The following CDK5RAP2 variants were observed in gnomAD, a reference collection of about 807,000 sequenced individuals.
The protein encoded by CDK5RAP2 is CDK5 regulatory subunit-associated protein 2.
A neutral mutation model predicts 232.9 loss-of-function variants in CDK5RAP2; 147 were observed. The observed-to-expected ratio is 0.63, with a 90% confidence interval of 0.55 to 0.72. The LOEUF (loss-of-function observed/expected upper bound fraction) is 0.72, where lower values mean the gene tolerates loss of function less well. Among genes scored for constraint, CDK5RAP2 ranks in the 30% least tolerant of loss-of-function variants. CDK5RAP2 has a pLI of 0.00. For missense variants in CDK5RAP2, 2,195 were observed against 2,231.5 expected, an observed-to-expected ratio of 0.98 and a Z score of 0.33; for synonymous variants, 833 against 833.7, an observed-to-expected ratio of 1.00 and a Z score of 0.01.
intron 7 of CDK5RAP2, chr9:120,532,680 G>C (rs1159701826): frequency 6.6e-6 from 1 of 152,428 alleles, no homozygotes; most frequent in South Asian, 2.1e-4. Context: ...AAAATCCAGA[G>C]CTGGCATCTG....
chr9:120,472,200 AT>A (rs1207592315), intron 15 of CDK5RAP2, among the ~76,000 whole-genome samples: 1 of 152,226 alleles, frequency 6.6e-6, no homozygotes, highest in East Asian at 1.9e-4. Context: ...TATTTTAGAA[AT>A]TATTTGCAAA....
intron 14 of CDK5RAP2, among the ~76,000 whole-genome samples, chr9:120,484,030 G>A (rs999999802): frequency 2.6e-5 from 4 of 152,086 alleles, no homozygotes; most frequent in Admixed American, 6.5e-5. Context: ...ATGAATCTCC[G>A]GCTGTAGTTA....
In CDK5RAP2 at chr9:120,524,367, G is replaced by A. The variant is rs149436018; in HGVS notation, c.1092+619C>T. Among the ~76,000 whole-genome samples the A allele has an allele frequency of 1.4e-3, 208 of 152,274 alleles. 1 individual carries two copies. The highest frequency in any genetic ancestry group is 4.5e-3 in the African/African-American group (187 of 41,558). ...CAAAACCTCACAAATACGGCCGGGC[G>A]CAGTGGTTAACTCCTGTAATTCCAG... On this transcript the variant is annotated intron_variant, in intron 11 of 37. Transcript: ENST00000349780.
Position 120,471,767 on chromosome 9 carries a change from G to A in CDK5RAP2, c.1839C>T (p.Ser613=), listed in dbSNP as rs372200995. The A allele has an allele frequency of 2.1e-5, 34 of 1,614,076 alleles. No individual in the cohort carries two copies. The African/African-American group carries it at 2.3e-4, about 11-fold the overall frequency. Residue 613 remains serine, a synonymous_variant, in exon 16 of 38, where the codon AGC becomes AGT. Coordinates refer to ENST00000349780, the MANE Select transcript of CDK5RAP2 (RefSeq NM_018249.6). ...GTGTACCTTCCCGCCTCCGAATTTCGCTGATCTGCTCCTCCAAGGTCTTCC... is the reference window on the plus strand; with the variant it reads ...GTGTACCTTCCCGCCTCCGAATTTCACTGATCTGCTCCTCCAAGGTCTTCC... ...NLRKTLEEQI[S]EIRRREEESF...
At chr9:120,447,859 C>T in intron 22 of CDK5RAP2, 36 bp downstream of exon 22, 1 of 1,464,026 alleles carries the variant, frequency 6.8e-7, no homozygotes. Context: ...AGCCGTTTGT[C>T]TAGCTCACAG....
At chr9:120,483,441 G>A (rs1002740501) in intron 14 of CDK5RAP2, among the ~76,000 whole-genome samples, 30 of 152,222 alleles carry the variant, frequency 2.0e-4, no homozygotes, top group Non-Finnish European at 3.5e-4. Context: ...ACTCAGATGA[G>A]GTCCATGGTG....
rs2039645975 is a variant in CDK5RAP2, at chr9:120,503,050, A to G, written c.1312-11573T>C. Among the ~76,000 whole-genome samples the G allele has an allele frequency of 1.3e-5, 2 of 152,192 alleles. 1 individual carries two copies. Among genetic ancestry groups the G allele is most frequent in the Admixed American group, 1.3e-4 (2 of 15,278 alleles). ...CACAAAGCTTTACAAAAGCTCTAGTAAGTTCTAGTGCTGAAATCCAAACCC... is the reference window on the plus strand; with the variant it reads ...CACAAAGCTTTACAAAAGCTCTAGTGAGTTCTAGTGCTGAAATCCAAACCC... On this transcript the variant is annotated intron_variant, in intron 12 of 37. Coordinates refer to ENST00000349780, the MANE Select transcript of CDK5RAP2 (RefSeq NM_018249.6).
chr9:120,491,995 T>C (rs557768692), intron 12 of CDK5RAP2, among the ~76,000 whole-genome samples: 1 of 152,260 alleles, frequency 6.6e-6, no homozygotes, highest in East Asian at 1.9e-4. Flanking sequence ...AATAATCCTG[T>C]ATTATCTTCA....
chr9:120,519,062 C>T (rs2040498153), intron 11 of CDK5RAP2, among the ~76,000 whole-genome samples: 1 of 151,814 alleles, frequency 6.6e-6, no homozygotes, highest in African/African-American at 2.4e-5. Context: ...GTAGTCCCAG[C>T]TACTCGGGAA....
chr9:120,402,206 T>C (rs2033086643), intron 34 of CDK5RAP2, among the ~76,000 whole-genome samples: 1 of 151,694 alleles, frequency 6.6e-6, no homozygotes, highest in African/African-American at 2.4e-5. Flanking sequence ...GGCAGGAGGA[T>C]TGCTTGAGCC....
chr9:120,446,091 G>C (rs1445619604), intron 22 of CDK5RAP2, among the ~76,000 whole-genome samples: 1 of 152,160 alleles, frequency 6.6e-6, no homozygotes, highest in Non-Finnish European at 1.5e-5. Context: ...TTTAGGCTTT[G>C]CAGGCCATAG....
At chr9:120,486,565 T>A (rs1269405096) in intron 14 of CDK5RAP2, among the ~76,000 whole-genome samples, 1 of 152,132 alleles carries the variant, frequency 6.6e-6, no homozygotes, top group Non-Finnish European at 1.5e-5. Context: ...GCCAGTTCCC[T>A]ACCCCAGAAG....
chr9:120,458,727 C>T (rs1239524251), intron 19 of CDK5RAP2, 105 bp from the exon 20 acceptor site: 1 of 1,003,412 alleles, frequency 1.0e-6, no homozygotes, highest in Non-Finnish European at 1.6e-6. Flanking sequence ...GAAAATAAGC[C>T]AGACACACTG....
chr9:120,452,227 A>ATATAAT (rs1193613844), intron 21 of CDK5RAP2, among the ~76,000 whole-genome samples: 1 of 147,382 alleles, frequency 6.8e-6, no homozygotes, highest in Non-Finnish European at 1.5e-5. Context: ...AGTACCGTTA[A>ATATAAT]TATAATGGCA....
At chr9:120,561,733 A>T (rs1412820445) in intron 3 of CDK5RAP2, among the ~76,000 whole-genome samples, 3 of 152,210 alleles carry the variant, frequency 2.0e-5, no homozygotes, top group African/African-American at 7.2e-5. Context: ...ACATAAGTGA[A>T]TTTGCATATT....
chr9:120,577,199 C>A (rs2043066035), intron 1 of CDK5RAP2, among the ~76,000 whole-genome samples: 1 of 151,786 alleles, frequency 6.6e-6, no homozygotes, highest in Admixed American at 6.6e-5. Context: ...CCGTCTCTAC[C>A]AAAAATACAA....
intron 1 of CDK5RAP2, 117 bp from the exon 2 acceptor site, chr9:120,572,158 G>T: frequency 1.2e-6 from 1 of 820,808 alleles, no homozygotes; most frequent in Non-Finnish European, 2.1e-6. Context: ...CACACAGCTG[G>T]GCTACCTATG....
Position 120,467,861 on chromosome 9 carries a change from T to A in CDK5RAP2, c.2105A>T (p.Glu702Val), listed in dbSNP as rs752969694. 1 of 1,614,108 alleles carries A rather than the reference T, an allele frequency of 6.2e-7. No individual in the cohort carries two copies. Among genetic ancestry groups the A allele is most frequent in the Non-Finnish European group, 8.5e-7 (1 of 1,179,956 alleles). Residue 702 changes from glutamate to valine, a missense_variant and splice_region_variant, in exon 18 of 38, where the codon GAG (glutamate) becomes GTG (valine). By Grantham distance (121) the Glu-to-Val change is moderately radical (BLOSUM62 -2). Coordinates refer to ENST00000349780, the MANE Select transcript of CDK5RAP2 (RefSeq NM_018249.6). ...PDRLASTEQT[E>V]LLASKEDEDT... The stretch of plus-strand genomic sequence containing the variant: ...CATGACAACAAAAATGTTTCTTACC[T>A]CTGTTTGTTCTGTAGACGCAAGTCT...
chr9:120,494,345 G>A (rs1484683212), intron 12 of CDK5RAP2, among the ~76,000 whole-genome samples: 1 of 152,174 alleles, frequency 6.6e-6, no homozygotes, highest in African/African-American at 2.4e-5. Context: ...AAAGAAACCA[G>A]TGTTTCTTGG....
Sources: gnomAD v4.1 joint callset for allele counts (sites outside exome capture counted in the v4.1 genomes callset) on GRCh38, gnomAD v4.1.1 for gene constraint, MANE v1.5 for transcripts, NCBI Gene and HGNC (gene_info 2026-07-23, HGNC 2026-07-21) for gene names.